Variants in INSL6 observed in about 807,000 individuals in gnomAD.
INSL6 encodes the protein insulin like 6, also known as insulin-like peptide INSL6.
INSL6 carries 16 observed loss-of-function variants against 9.4 expected under a neutral mutation model. That is an observed-to-expected ratio of 1.70 (90% confidence interval 1.15 to 2.59). The LOEUF (loss-of-function observed/expected upper bound fraction) is 2.59, where lower values mean the gene tolerates loss of function less well. INSL6 is among the 30% of genes most tolerant of loss of function. The probability of loss-of-function intolerance (pLI) is 0.00; values close to 1 mark genes in which losing one functional copy is unlikely to be tolerated. For missense variants in INSL6, 391 were observed against 257.3 expected (o/e 1.52, Z -3.56); for synonymous variants, 154 against 96.9 (o/e 1.59, Z -3.46).
intron 2 of INSL6, among the ~76,000 whole-genome samples, chr9:5,142,304 A>T (rs1824516653): frequency 6.6e-6 from 1 of 152,220 alleles, no homozygotes; most frequent in Non-Finnish European, 1.5e-5. Flanking sequence ...TGCTTTGGGC[A>T]GTAGGGCCAT....
the INSL6 span, among the ~76,000 whole-genome samples, chr9:5,025,941 G>A: frequency 3.9e-5 from 6 of 152,138 alleles, no homozygotes; most frequent in Non-Finnish European, 8.8e-5. Flanking sequence ...GCATAATGTT[G>A]TTCTAGCACT....
downstream of INSL6, among the ~76,000 whole-genome samples, chr9:5,159,139 CA>C (rs1229093456): frequency 6.6e-6 from 1 of 151,900 alleles, no homozygotes; most frequent in Non-Finnish European, 1.5e-5. Context: ...AAACATACAA[CA>C]GATACACAAA....
At chr9:5,156,554 C>A (rs10974986) in intron 2 of INSL6, among the ~76,000 whole-genome samples, 8 of 152,050 alleles carry the variant, frequency 5.3e-5, no homozygotes, top group African/African-American at 1.7e-4. Flanking sequence ...AAAAAAAATT[C>A]TCAGCAAACA....
chr9:5,086,733 A>G, the INSL6 span, among the ~76,000 whole-genome samples: 1 of 152,238 alleles, frequency 6.6e-6, no homozygotes, highest in African/African-American at 2.4e-5. Context: ...ATAACTTTAT[A>G]GCCTTTGGCT....
intron 2 of INSL6, among the ~76,000 whole-genome samples, chr9:5,137,002 G>C (rs1003675286): frequency 2.6e-5 from 4 of 152,232 alleles, no homozygotes; most frequent in Admixed American, 2.6e-4. Context: ...AATCATGAGT[G>C]AACTCCCATT....
the INSL6 span, chr9:5,089,799 T>C: frequency 1.3e-6 from 2 of 1,597,220 alleles, no homozygotes; most frequent in Admixed American, 3.5e-5. Context: ...AAAGGGAAAT[T>C]GAAATCCTGA....
At chr9:5,179,123 A>G (rs1825385573) in intron 1 of INSL6, among the ~76,000 whole-genome samples, 1 of 152,144 alleles carries the variant, frequency 6.6e-6, no homozygotes, top group Non-Finnish European at 1.5e-5. Context: ...CCATCTGACA[A>G]AGCTCTAATA....
At chr9:5,126,902 T>A (rs1334492806) in intron 3 of INSL6, 1 of 541,750 alleles carries the variant, frequency 1.8e-6, no homozygotes, top group Admixed American at 4.0e-5. Flanking sequence ...ATCATGATGC[T>A]AGCCAGCAAA....
At chr9:5,143,247 TA>T (rs1408042164) in intron 2 of INSL6, among the ~76,000 whole-genome samples, 1 of 150,692 alleles carries the variant, frequency 6.6e-6, no homozygotes, top group Non-Finnish European at 1.5e-5. Flanking sequence ...TTTTTTTTTT[TA>T]ATAGTTTCAG....
At chr9:5,151,275 A>T (rs62541915) in intron 2 of INSL6, among the ~76,000 whole-genome samples, 34,292 of 152,156 alleles carry the variant, frequency 0.23, 4,581 homozygotes, top group South Asian at 0.3. Flanking sequence ...AAATGACTGT[A>T]TAAGTAGAAA....
At chr9:5,011,941 C>T in the INSL6 span, among the ~76,000 whole-genome samples, 1 of 152,154 alleles carries the variant, frequency 6.6e-6, no homozygotes, top group Non-Finnish European at 1.5e-5. Flanking sequence ...TTACCAGTTC[C>T]CTCTAACACT....
At chr9:5,064,134 C>T in the INSL6 span, among the ~76,000 whole-genome samples, 13 of 152,096 alleles carry the variant, frequency 8.5e-5, no homozygotes, top group Admixed American at 5.9e-4. Flanking sequence ...CCAGCCTGGG[C>T]GACAGAGCAA....
At chr9:5,146,044 G>A (rs898235024) in intron 2 of INSL6, among the ~76,000 whole-genome samples, 3 of 152,064 alleles carry the variant, frequency 2.0e-5, no homozygotes, top group Admixed American at 6.6e-5. Context: ...TTGAGTGTTC[G>A]CATTCTTGTG....
chr9:5,127,490 T>A (rs1824074840), intron 3 of INSL6: 1 of 231,104 alleles, frequency 4.3e-6, no homozygotes, highest in South Asian at 1.8e-4. Flanking sequence ...CATTTTGAAA[T>A]GAAACAAGCT....
intron 2 of INSL6, among the ~76,000 whole-genome samples, chr9:5,137,263 A>G (rs965181890): frequency 6.6e-6 from 1 of 152,204 alleles, no homozygotes; most frequent in Non-Finnish European, 1.5e-5. Flanking sequence ...ACTGGAAAAA[A>G]ACTACTTTAA....
chr9:5,019,490 T>G, the INSL6 span, among the ~76,000 whole-genome samples: 2 of 152,170 alleles, frequency 1.3e-5, no homozygotes, highest in Non-Finnish European at 2.9e-5. Flanking sequence ...TCCCTGAGCT[T>G]CTTTAATATC....
the INSL6 span, among the ~76,000 whole-genome samples, chr9:5,015,955 G>A: frequency 2.6e-5 from 4 of 152,158 alleles, no homozygotes; most frequent in African/African-American, 7.2e-5. Flanking sequence ...TAGATTATAA[G>A]TGCAAAATAC....
chr9:5,039,228 G>T, the INSL6 span, among the ~76,000 whole-genome samples: 1 of 152,014 alleles, frequency 6.6e-6, no homozygotes, highest in Non-Finnish European at 1.5e-5. Flanking sequence ...TAGTCATCCC[G>T]CTGTATCCAT....
the INSL6 span, among the ~76,000 whole-genome samples, chr9:5,056,641 CTACACCTTGCACAG>C: frequency 4.6e-5 from 7 of 152,096 alleles, no homozygotes; most frequent in African/African-American, 1.4e-4. Context: ...TTTGTACCCC[CTACACCTTGCACAG>C]TACTCAGGGC....
Sources: gnomAD v4.1 joint callset for allele counts (sites outside exome capture counted in the v4.1 genomes callset) on GRCh38, gnomAD v4.1.1 for gene constraint, MANE v1.5 for transcripts, NCBI Gene and HGNC (gene_info 2026-07-23, HGNC 2026-07-21) for gene names.